Variants in SEMA3B observed in about 807,000 individuals in gnomAD.
SEMA3B encodes semaphorin 3B.
Under a neutral mutation model 77.8 loss-of-function variants are expected in SEMA3B, and 71 were observed. That is an observed-to-expected ratio of 0.91 (90% CI 0.75 to 1.11). The LOEUF (loss-of-function observed/expected upper bound fraction) is 1.11. Ranked by LOEUF, SEMA3B falls within the 50% of genes most tolerant of loss-of-function variation. The probability of loss-of-function intolerance (pLI) is 0.00; values close to 1 mark genes in which losing one functional copy is unlikely to be tolerated. For missense variants in SEMA3B, 968 were observed against 1,056.8 expected (o/e 0.92, Z 1.17); for synonymous variants, 470 against 452.9 (o/e 1.04, Z -0.48).
In SEMA3B at chr3:50,270,611, A is replaced by T; in HGVS notation, c.330+116A>T. 7.1e-7 allele frequency: 1 copy of T among 1,402,474 alleles called. No individual in the cohort carries two copies. Among genetic ancestry groups the T allele is most frequent in the Non-Finnish European group, 9.8e-7 (1 of 1,019,544 alleles). 86.9% of individuals were successfully genotyped at this position (1,402,474 alleles called of 1,614,324 possible). A position where few individuals can be genotyped will look rare whatever the true frequency, so the allele number is the denominator to read the frequency against. On this transcript the variant is annotated intron_variant, in intron 3 of 16. Transcript: ENST00000616701. This position sits in a 1 kb window ranked among gnomAD's most constrained non-coding sequence, Gnocchi z 4.7. ...GGCTGGGATGAGGGCAGGGAGGTCG[A>T]GGTGGCTGAGGTCTGGGGGTGGTGA...
At position 50,273,573 on chromosome 3, in the gene SEMA3B, G is replaced by C. The variant is rs371698352; in HGVS notation, c.849G>C (p.Trp283Cys). Residue 283 changes from tryptophan to cysteine, a missense_variant, in exon 8 of 17, where the codon TGG becomes TGC. Trp to Cys is a radical substitution (Grantham distance 215). Coordinates refer to ENST00000616701, the MANE Select transcript of SEMA3B (RefSeq NM_001290060.2). This position sits in a 1 kb window ranked among gnomAD's most constrained non-coding sequence, Gnocchi z 6.5. ...GCCAGCGCAGCCTGGTCAACAAGTG[G>C]ACGACGTTCCTGAAGGCGCGGCTGG... ...VGGQRSLVNK[W>C]TTFLKARLVC... is the part of the protein sequence containing the mutation. The C allele has an allele frequency of 5.5e-5, 88 of 1,613,226 alleles. No homozygotes were observed. Among genetic ancestry groups the C allele is most frequent in the Admixed American group, 1.0e-4 (6 of 60,000 alleles).
upstream of SEMA3B, among the ~76,000 whole-genome samples, chr3:50,268,309 C>G (rs1296586304): frequency 6.6e-6 from 1 of 152,242 alleles, no homozygotes; most frequent in Non-Finnish European, 1.5e-5. Flanking sequence ...CTGGGTAGCA[C>G]TTCTCCCTCT....
At chr3:50,260,471 G>C in the SEMA3B span, 1 of 152,282 alleles carries the variant, frequency 6.6e-6, no homozygotes, top group Non-Finnish European at 1.5e-5. Flanking sequence ...CGCCCCCCAG[G>C]CCCGGTCCCC....
chr3:50,273,344 A>C lies in SEMA3B; in HGVS notation c.711A>C (p.Pro237=). ...TTTGGATCCCGGAGAGCGAGAACCCAGACGACGACAAAATCTACTTCTTCT... is the reference window on the plus strand; with the variant it reads ...TTTGGATCCCGGAGAGCGAGAACCCCGACGACGACAAAATCTACTTCTTCT... The part of the protein sequence containing the change: ...KVFWIPESEN[P]DDDKIYFFFR... Residue 237 remains proline, a synonymous_variant, in exon 7 of 17, where the codon CCA becomes CCC. Transcript: ENST00000616701. This position sits in a 1 kb window ranked among gnomAD's most constrained non-coding sequence, Gnocchi z 6.5. 1 of 1,614,018 alleles carries C rather than the reference A, an allele frequency of 6.2e-7. No individual in the cohort carries two copies. Among genetic ancestry groups the C allele is most frequent in the Non-Finnish European group, 8.5e-7 (1 of 1,179,876 alleles).
chr3:50,270,502 G>A lies in SEMA3B; in HGVS notation c.330+7G>A. The A allele has an allele frequency of 1.9e-6, 3 of 1,613,488 alleles. No individual in the cohort carries two copies. Among genetic ancestry groups the A allele is most frequent in the Non-Finnish European group, 2.5e-6 (3 of 1,179,858 alleles). The stretch of plus-strand genomic sequence containing the variant: ...GGCAGGGAAGGACATTGGTGTGAGT[G>A]CCAGCTGCCCGGGCCGGGAGTGGGG... On this transcript the variant is annotated splice_region_variant and intron_variant, in intron 3 of 16. Transcript: ENST00000616701. This position sits in a 1 kb window ranked among gnomAD's most constrained non-coding sequence, Gnocchi z 4.7.
chr3:50,273,803 C>T lies in SEMA3B; in HGVS notation c.967C>T (p.Leu323Phe). ...CTCGCGGGACCACCGGACCCCGCTG[C>T]TCTATGCCGTCTTCTCCACGTCCAG... ...LSSRDHRTPL[L>F]YAVFSTSSSI... Residue 323 changes from leucine to phenylalanine, a missense_variant, in exon 9 of 17, where the codon CTC (leucine) becomes TTC (phenylalanine). Leu to Phe is a conservative substitution (Grantham distance 22). Transcript: ENST00000616701. This position sits in a 1 kb window ranked among gnomAD's most constrained non-coding sequence, Gnocchi z 6.5. The T allele has an allele frequency of 1.3e-6, 2 of 1,587,230 alleles. No homozygotes were observed. Among genetic ancestry groups the T allele is most frequent in the Non-Finnish European group, 8.6e-7 (1 of 1,168,240 alleles).
Position 50,275,598 on chromosome 3 carries a change from G to A in SEMA3B, c.1688G>A (p.Ser563Asn), listed in dbSNP as rs375295508. 2 of 1,613,728 alleles carry A rather than the reference G, an allele frequency of 1.2e-6. No individual in the cohort carries two copies. Among genetic ancestry groups the A allele is most frequent in the Non-Finnish European group, 1.7e-6 (2 of 1,179,890 alleles). Residue 563 changes from serine to asparagine, a missense_variant, in exon 15 of 17, where the codon AGC becomes AAC. By Grantham distance (46) the Ser-to-Asn change is conservative (BLOSUM62 1). Transcript: ENST00000616701. The surrounding 1 kb of genome is among the most constrained non-coding windows in gnomAD (Gnocchi z 7.5). ...RRQDVRNGDPSTLCSGDSSRP... is the reference protein window; with the variant it reads ...RRQDVRNGDPNTLCSGDSSRP... ...CAAGACGTAAGGAATGGCGACCCCA[G>A]CACGTTGTGCTCCGGAGGTGAGTGC...
chr3:50,268,916 AAG>A (rs2109234426), upstream of SEMA3B: 1 of 420,758 alleles, frequency 2.4e-6, no homozygotes, highest in East Asian at 5.4e-5. Flanking sequence ...GTGTGTATAC[AAG>A]AGAGGAGATT....
rs782658270 is a variant in SEMA3B at position 50,274,337 on chromosome 3, T to A, written c.1138-26T>A. The stretch of plus-strand genomic sequence containing the variant: ...CAAGCCCCCATATCTATATCCCTGC[T>A]GTGCCTCCCTTTCCCCCACCCCCAG... On this transcript the variant is annotated intron_variant, in intron 10 of 16. Transcript: ENST00000616701. The surrounding 1 kb of genome is among the most constrained non-coding windows in gnomAD (Gnocchi z 4.7). 1 of 1,479,160 alleles carries A rather than the reference T, an allele frequency of 6.8e-7. No individual in the cohort carries two copies. The highest frequency in any genetic ancestry group is 9.0e-7 in the Non-Finnish European group (1 of 1,107,930). The allele number at this position is 1,479,160 out of a possible 1,614,324, so 91.6% of individuals were successfully genotyped here.
chr3:50,271,290 C>A, intron 5 of SEMA3B, 71 bp from the exon 6 acceptor site: 1 of 1,549,058 alleles, frequency 6.5e-7, no homozygotes, highest in South Asian at 1.2e-5. Context: ...CTCACTCACT[C>A]CCAGAGCTCC....
upstream of SEMA3B, among the ~76,000 whole-genome samples, chr3:50,264,547 G>T (rs1007803748): frequency 6.6e-6 from 1 of 152,186 alleles, no homozygotes; most frequent in African/African-American, 2.4e-5. Context: ...CTAACAAGGG[G>T]GTTGATCCTT....
rs1346159387 is a variant in SEMA3B at position 50,275,760 on chromosome 3, C to A, written c.1761C>A (p.Ser587Arg). The A allele has an allele frequency of 1.2e-6, 2 of 1,613,024 alleles. No homozygotes were observed. Among genetic ancestry groups the A allele is most frequent in the Non-Finnish European group, 1.7e-6 (2 of 1,179,838 alleles). ...AGGTGTTCGGCGTGGAGGGCAGCAG[C>A]GCCTTTCTGGAGTGTGAGCCCCGCT... ...EHKVFGVEGS[S>R]AFLECEPRSL... Residue 587 changes from serine to arginine, a missense_variant, in exon 16 of 17, where the codon AGC becomes AGA. Ser to Arg is a moderately radical substitution (Grantham distance 110). Coordinates refer to ENST00000616701, the MANE Select transcript of SEMA3B (RefSeq NM_001290060.2). The surrounding 1 kb of genome is among the most constrained non-coding windows in gnomAD (Gnocchi z 7.5).
chr3:50,265,496 G>T (rs1700879653), upstream of SEMA3B, among the ~76,000 whole-genome samples: 1 of 152,206 alleles, frequency 6.6e-6, no homozygotes, highest in African/African-American at 2.4e-5. Flanking sequence ...CTGAGATTTG[G>T]CACAACAATC....
chr3:50,274,577 GCA>G lies in SEMA3B; in HGVS notation c.1355_1356del (p.Thr452ArgfsTer16). On this transcript the variant is annotated frameshift_variant, in exon 11 of 17. Coordinates refer to ENST00000616701, the MANE Select transcript of SEMA3B (RefSeq NM_001290060.2). LOFTEE classifies it high-confidence loss of function. The surrounding 1 kb of genome is among the most constrained non-coding windows in gnomAD (Gnocchi z 4.7). The stretch of plus-strand genomic sequence containing the variant: ...GGACACTATGACGTCCTCTTCATTG[GCA>G]CAGGTCAGGGTCCCTCCACAGCGAC... 1 of 1,533,816 alleles carries G rather than the reference GCA, an allele frequency of 6.5e-7. No homozygotes were observed. Among genetic ancestry groups the G allele is most frequent in the Non-Finnish European group, 8.8e-7 (1 of 1,140,856 alleles).
In SEMA3B at chr3:50,276,491, C is replaced by CCCGCCGCG. The variant is rs1321831831; in HGVS notation, c.2042_2049dup (p.Gly684ArgfsTer205). 6.5e-7 allele frequency: 1 copy of CCCGCCGCG among 1,531,058 alleles called. No individual in the cohort carries two copies. Among genetic ancestry groups the CCCGCCGCG allele is most frequent in the East Asian group, 2.5e-5 (1 of 40,462 alleles). 94.8% of individuals were successfully genotyped at this position (1,531,058 alleles called of 1,614,324 possible). A position where few individuals can be genotyped will look rare whatever the true frequency, so the allele number is the denominator to read the frequency against. On this transcript the variant is annotated frameshift_variant, in exon 17 of 17. Coordinates refer to ENST00000616701, the MANE Select transcript of SEMA3B (RefSeq NM_001290060.2). LOFTEE classifies it low-confidence loss of function (END_TRUNC). This position sits in a 1 kb window ranked among gnomAD's most constrained non-coding sequence, Gnocchi z 5.8. ...ACTGGCGCGGGCCGAGGAGGCTGCG[C>CCCGCCGCG]CCGCCGCGCCGCCGGGCCCCAAACT...
In SEMA3B at chr3:50,275,935, C is replaced by T. The variant is rs1421631700; in HGVS notation, c.1845+91C>T. ...CCCTACCCAACGAAGCCCCGTCCAA[C>T]CAGACCCACTCCCCGCCCTGTCCAG... is the stretch of plus-strand genomic sequence containing the variant. On this transcript the variant is annotated intron_variant, in intron 16 of 16. Coordinates refer to ENST00000616701, the MANE Select transcript of SEMA3B (RefSeq NM_001290060.2). The surrounding 1 kb of genome is among the most constrained non-coding windows in gnomAD (Gnocchi z 7.5). 8 of 1,438,734 alleles carry T rather than the reference C, an allele frequency of 5.6e-6. No homozygotes were observed. The African/African-American group carries it at 7.2e-5, about 13-fold the overall frequency. 89.1% of individuals were successfully genotyped at this position (1,438,734 alleles called of 1,614,324 possible).
chr3:50,263,568 T>A (rs1161396014), upstream of SEMA3B, among the ~76,000 whole-genome samples: 2 of 146,956 alleles, frequency 1.4e-5, no homozygotes, highest in African/African-American at 2.5e-5. Context: ...GCTAAAAGCC[T>A]GCAATCCCGC....
rs1469618154 is a variant in SEMA3B at position 50,270,772 on chromosome 3, A to G, written c.331-118A>G. 4 of 1,475,026 alleles carry G rather than the reference A, an allele frequency of 2.7e-6. No individual in the cohort carries two copies. The highest frequency in any genetic ancestry group is 3.7e-6 in the Non-Finnish European group (4 of 1,095,272). 91.4% of individuals were successfully genotyped at this position (1,475,026 alleles called of 1,614,324 possible). On this transcript the variant is annotated intron_variant, in intron 3 of 16. Transcript: ENST00000616701. This position sits in a 1 kb window ranked among gnomAD's most constrained non-coding sequence, Gnocchi z 4.7. ...AAGGGCCCCCAGGTCCCTGTAGCCC[A>G]TGTTAGTACTTGCCTGGGCTGATGC...
At position 50,275,764 on chromosome 3, in the gene SEMA3B, T is replaced by C. The variant is rs375627193; in HGVS notation, c.1765T>C (p.Phe589Leu). ...GTTCGGCGTGGAGGGCAGCAGCGCC[T>C]TTCTGGAGTGTGAGCCCCGCTCGCT... The part of the protein sequence containing the change: ...KVFGVEGSSA[F>L]LECEPRSLQA... The change falls in exon 16 of 17, where the codon TTT becomes CTT. Residue 589 changes from phenylalanine (F) to leucine (L), a missense_variant. Phe to Leu is a conservative substitution (Grantham distance 22, BLOSUM62 0). Transcript: ENST00000616701. The surrounding 1 kb of genome is among the most constrained non-coding windows in gnomAD (Gnocchi z 7.5). The C allele has an allele frequency of 4.4e-4, 706 of 1,613,102 alleles. 8 individuals are homozygous for C. The South Asian group carries it at 7.4e-3, about 17-fold the overall frequency.
Sources: allele counts gnomAD v4.1 joint callset (sites outside exome capture counted in the v4.1 genomes callset), GRCh38; gene constraint gnomAD v4.1.1; non-coding constraint Gnocchi (gnomAD v3.1); transcripts MANE v1.5; gene names NCBI Gene and HGNC (gene_info 2026-07-23, HGNC 2026-07-21).